The following UIMC1 variants were observed in gnomAD, a reference collection of about 807,000 sequenced individuals.
The protein encoded by UIMC1 is ubiquitin interaction motif containing 1, also known as BRCA1-A complex subunit RAP80.
A neutral mutation model predicts 84.9 loss-of-function variants in UIMC1; 42 were observed. That is an observed-to-expected ratio of 0.49 (90% CI 0.39 to 0.64). The LOEUF is 0.64. Ranked by LOEUF, UIMC1 falls within the 30% of genes least tolerant of loss-of-function variation. UIMC1 has a pLI of 0.00. For synonymous variants in UIMC1, 281 were observed against 293.0 expected (o/e 0.96, Z 0.42); for missense variants, 825 against 847.6 (o/e 0.97, Z 0.33).
At chr5:177,002,824 T>A (rs961494152) in intron 1 of UIMC1, among the ~76,000 whole-genome samples, 1 of 151,720 alleles carries the variant, frequency 6.6e-6, no homozygotes, top group Non-Finnish European at 1.5e-5. Context: ...AATAAATATT[T>A]GATGAGTGAA....
At chr5:176,933,527 AT>A (rs11333768) in intron 10 of UIMC1, among the ~76,000 whole-genome samples, 61,579 of 147,722 alleles carry the variant, frequency 0.42, 12,706 homozygotes, top group East Asian at 0.48. Context: ...GCTAGTTTAG[AT>A]TTTTTTTTTT....
intron 12 of UIMC1, 139 bp downstream of exon 12, chr5:176,908,384 A>T: frequency 1.1e-6 from 1 of 878,908 alleles, no homozygotes. Flanking sequence ...AAATAATTTT[A>T]AAAAGCACAA....
intron 4 of UIMC1, 194 bp from the exon 5 acceptor site, chr5:176,969,900 C>T (rs1015092450): frequency 5.8e-6 from 3 of 520,036 alleles, no homozygotes; most frequent in African/African-American, 5.7e-5. Flanking sequence ...CTATACTAAA[C>T]CCTTTTTTAA....
chr5:177,006,178 G>A (rs1244370856), intron 1 of UIMC1: 3 of 152,258 alleles, frequency 2.0e-5, no homozygotes, highest in Non-Finnish European at 4.4e-5. Context: ...CCGCCCCCCA[G>A]GTGTGAAAGG....
At chr5:176,983,001 A>C (rs1027886053) in intron 1 of UIMC1, among the ~76,000 whole-genome samples, 1 of 151,750 alleles carries the variant, frequency 6.6e-6, no homozygotes, top group Non-Finnish European at 1.5e-5. Flanking sequence ...ATCCAGCCTA[A>C]TTTTTGTATT....
chr5:176,938,314 T>C (rs1451583012), intron 10 of UIMC1, among the ~76,000 whole-genome samples: 1 of 149,412 alleles, frequency 6.7e-6, no homozygotes, highest in Non-Finnish European at 1.5e-5. Context: ...TCTCCAGTCA[T>C]ATAAAGCTAA....
At chr5:177,020,999 G>T (rs191092902) in intron 1 of UIMC1, among the ~76,000 whole-genome samples, 59 of 152,326 alleles carry the variant, frequency 3.9e-4, no homozygotes, top group African/African-American at 1.4e-3. Context: ...GAGACAAAAG[G>T]CTACGCAAGG....
Position 176,968,969 on chromosome 5 carries a change from T to G in UIMC1, c.786A>C (p.Ala262=). The G allele has an allele frequency of 6.2e-7, 1 of 1,614,210 alleles. No homozygotes were observed. The highest frequency in any genetic ancestry group is 8.5e-7 in the Non-Finnish European group (1 of 1,180,024). ...CAGTGTCCTGGAGACCTTTGGCATC[T>G]GCTAGGGTAGGTAGACAGTGCCTAG... ...DTSRHCLPTL[A]DAKGLQDTGG... is the part of the protein sequence containing the mutation. The change falls in exon 6 of 15, where the codon GCA becomes GCC. Residue 262 remains alanine (A), a synonymous_variant. Coordinates refer to ENST00000511320, the MANE Select transcript of UIMC1 (RefSeq NM_001199298.2).
intron 1 of UIMC1, among the ~76,000 whole-genome samples, chr5:176,991,630 C>CAA (rs57753076): frequency 1.0e-4 from 8 of 78,810 alleles, no homozygotes; most frequent in South Asian, 4.2e-4. Flanking sequence ...AACTCCGTCT[C>CAA]AAAAAAAAAA....
At chr5:176,925,120 G>C (rs1027047875) in intron 10 of UIMC1, among the ~76,000 whole-genome samples, 3 of 151,532 alleles carry the variant, frequency 2.0e-5, no homozygotes, top group Non-Finnish European at 4.4e-5. Flanking sequence ...ACAAACAACT[G>C]GTATTCAGGA....
upstream of UIMC1, among the ~76,000 whole-genome samples, chr5:177,009,879 A>G (rs1262109093): frequency 3.3e-5 from 5 of 152,220 alleles, no homozygotes; most frequent in East Asian, 9.6e-4. The surrounding 1 kb of genome is among the most constrained non-coding windows in gnomAD (Gnocchi z 4.3). Context: ...TACTAAAAAT[A>G]CAAAAATTAG....
At chr5:176,984,465 G>A (rs1581645597) in intron 1 of UIMC1, among the ~76,000 whole-genome samples, 1 of 150,392 alleles carries the variant, frequency 6.6e-6, no homozygotes, top group East Asian at 2.0e-4. Context: ...CGTCTGGGAT[G>A]TGAGGAGCGC....
intron 11 of UIMC1, among the ~76,000 whole-genome samples, chr5:176,909,848 G>A (rs1759885417): frequency 6.6e-6 from 1 of 152,122 alleles, no homozygotes; most frequent in Non-Finnish European, 1.5e-5. Flanking sequence ...TTTCAGAGTT[G>A]GACAGACTTT....
At chr5:176,967,606 T>C (rs1459063666) in intron 6 of UIMC1, among the ~76,000 whole-genome samples, 3 of 152,236 alleles carry the variant, frequency 2.0e-5, no homozygotes, top group East Asian at 1.9e-4. Flanking sequence ...CTTTCAGAAA[T>C]AATAATAATT....
chr5:177,012,959 T>C (rs894829811), intron 1 of UIMC1, among the ~76,000 whole-genome samples: 1 of 151,832 alleles, frequency 6.6e-6, no homozygotes, highest in South Asian at 2.1e-4. Context: ...TATGTGCCTA[T>C]AGTCCTAGCT....
chr5:176,936,806 T>C (rs539151622), intron 10 of UIMC1, among the ~76,000 whole-genome samples: 39 of 152,336 alleles, frequency 2.6e-4, no homozygotes, highest in Admixed American at 1.0e-3. Context: ...CAAGGAGACC[T>C]TCCCTGATCA....
chr5:176,975,341 T>A, intron 3 of UIMC1, 55 bp downstream of exon 3: 1 of 1,528,950 alleles, frequency 6.5e-7, no homozygotes, highest in South Asian at 1.1e-5. Context: ...CCAAAATGTA[T>A]CAGTTCTATG....
intron 1 of UIMC1, among the ~76,000 whole-genome samples, chr5:176,984,628 G>A (rs557719517): frequency 5.1e-4 from 78 of 151,962 alleles, no homozygotes; most frequent in African/African-American, 1.8e-3. Flanking sequence ...CCATGATGAC[G>A]ATGGCGGTTT....
intron 1 of UIMC1, among the ~76,000 whole-genome samples, chr5:176,988,617 T>C (rs1772369613): frequency 6.6e-6 from 1 of 152,034 alleles, no homozygotes; most frequent in Non-Finnish European, 1.5e-5. Context: ...ACACTGTGAA[T>C]TTATTAAAAG....
Sources: allele counts gnomAD v4.1 joint callset (sites outside exome capture counted in the v4.1 genomes callset), GRCh38; gene constraint gnomAD v4.1.1; non-coding constraint Gnocchi (gnomAD v3.1); transcripts MANE v1.5; gene names NCBI Gene and HGNC (gene_info 2026-07-23, HGNC 2026-07-21).